AGPAT5: variants seen among roughly 807,000 people sequenced by gnomAD.
AGPAT5 encodes 1-acylglycerol-3-phosphate O-acyltransferase 5, also known as 1-acyl-sn-glycerol-3-phosphate acyltransferase epsilon.
A neutral mutation model predicts 45.6 loss-of-function variants in AGPAT5; 46 were observed. The observed-to-expected ratio is 1.01, with a 90% CI of 0.80 to 1.29. AGPAT5 has a LOEUF of 1.29. AGPAT5 is among the 50% of genes most tolerant of loss of function. The pLI is 0.00. For synonymous variants in AGPAT5, 272 were observed against 167.0 expected, an observed-to-expected ratio of 1.63 and a Z score of -4.85; for missense variants, 673 against 450.7, an observed-to-expected ratio of 1.49 and a Z score of -4.47.
intron 1 of AGPAT5, among the ~76,000 whole-genome samples, chr8:6,717,997 T>G (rs2911981): frequency 0.061 from 9,297 of 152,244 alleles, 363 homozygotes; most frequent in African/African-American, 0.11. Flanking sequence ...GTCATCTGGA[T>G]TAAGTGTCAA....
chr8:6,737,503 A>G lies in AGPAT5; in HGVS notation c.496-4158A>G, dbSNP rs372520714. 2.0e-3 allele frequency among the ~76,000 whole-genome samples: 308 copies of G among 152,332 alleles called. 11 individuals are homozygous for G. The South Asian group carries it at 0.06, about 30-fold the overall frequency. ...TGTGAAGAAATACATCTCCATAATTATTGCTGGGACAATACAGTATTTTCT... is the reference window on the plus strand; with the variant it reads ...TGTGAAGAAATACATCTCCATAATTGTTGCTGGGACAATACAGTATTTTCT... On this transcript the variant is annotated intron_variant, in intron 4 of 7. Coordinates refer to ENST00000285518, the MANE Select transcript of AGPAT5 (RefSeq NM_018361.5).
intron 2 of AGPAT5, among the ~76,000 whole-genome samples, chr8:6,729,654 T>C (rs1290054947): frequency 6.6e-6 from 1 of 152,218 alleles, no homozygotes; most frequent in Non-Finnish European, 1.5e-5. Context: ...GTCCTCTGTT[T>C]CCCATCTTCT....
In AGPAT5 at chr8:6,759,512, A is replaced by G. The variant is rs1587079135; in HGVS notation, c.*2124A>G. ...CTACCTGTAAGTCTTTTCACATATC[A>G]TTTAAACTTTTGTTTGTATTATTAC... On this transcript the variant is annotated 3_prime_UTR_variant, in exon 8 of 8. Coordinates refer to ENST00000285518, the MANE Select transcript of AGPAT5 (RefSeq NM_018361.5). The G allele has an allele frequency of 6.6e-6, 1 of 152,290 alleles. No homozygotes were observed. The highest frequency in any genetic ancestry group is 1.9e-4 in the East Asian group (1 of 5,184). The allele number at this position is 152,290 out of a possible 1,614,324, so 9.4% of individuals were successfully genotyped here.
intron 4 of AGPAT5, among the ~76,000 whole-genome samples, chr8:6,732,962 C>A (rs919230266): frequency 2.0e-5 from 3 of 152,184 alleles, no homozygotes; most frequent in Admixed American, 6.5e-5. Context: ...AGCTAGTTTA[C>A]AAGCTCATCT....
At chr8:6,740,942 G>C (rs188005420) in intron 4 of AGPAT5, among the ~76,000 whole-genome samples, 3 of 152,002 alleles carry the variant, frequency 2.0e-5, no homozygotes, top group Admixed American at 2.0e-4. Context: ...TGTAGTTTTT[G>C]TAACTCAGTT....
rs142695144 is a variant in AGPAT5 at position 6,748,013 on chromosome 8, A to G, written c.745+185A>G. ...TTTCATTAGTCCTGCAAAGTGTGGT[A>G]TTTCTTGGCTGTCGTGTGAGTCCTG... On this transcript the variant is annotated intron_variant, in intron 6 of 7. Coordinates refer to ENST00000285518, the MANE Select transcript of AGPAT5 (RefSeq NM_018361.5). Among the ~76,000 whole-genome samples the G allele has an allele frequency of 6.9e-4, 105 of 152,262 alleles. 1 individual carries two copies. In the East Asian group the frequency reaches 0.01, roughly 15 times the overall value.
In AGPAT5 at chr8:6,758,362, G is replaced by T. The variant is rs1476340912; in HGVS notation, c.*974G>T. 1 of 152,670 alleles carries T rather than the reference G, an allele frequency of 6.6e-6. No homozygotes were observed. Among genetic ancestry groups the T allele is most frequent in the Non-Finnish European group, 1.5e-5 (1 of 68,058 alleles). 9.5% of individuals were successfully genotyped at this position (152,670 alleles called of 1,614,324 possible). A position where few individuals can be genotyped will look rare whatever the true frequency, so the allele number is the denominator to read the frequency against. On this transcript the variant is annotated 3_prime_UTR_variant, in exon 8 of 8. Coordinates refer to ENST00000285518, the MANE Select transcript of AGPAT5 (RefSeq NM_018361.5). ...TTTGATTTCACAGAATATTCATTCA[G>T]AAGTCGCGTTTCTGTAGTGTGGTGG...
intron 1 of AGPAT5, among the ~76,000 whole-genome samples, chr8:6,714,483 C>A (rs898258514): frequency 6.6e-6 from 1 of 152,140 alleles, no homozygotes; most frequent in Non-Finnish European, 1.5e-5. Context: ...TAAATATAAA[C>A]CTCTGTGAAC....
intron 1 of AGPAT5, among the ~76,000 whole-genome samples, chr8:6,720,476 G>T (rs115710306): frequency 3.1e-4 from 47 of 152,112 alleles, no homozygotes; most frequent in Admixed American, 7.2e-4. Context: ...TGGGAACAAG[G>T]CTCCTCCATG....
intron 6 of AGPAT5, among the ~76,000 whole-genome samples, chr8:6,750,162 C>A (rs1297264824): frequency 6.6e-6 from 1 of 152,232 alleles, no homozygotes; most frequent in Non-Finnish European, 1.5e-5. Context: ...TTCTCCTGCC[C>A]CTGCTCTTGC....
chr8:6,712,819 C>A lies in AGPAT5; in HGVS notation c.219+3932C>A, dbSNP rs1800196409. ...ATCGTTATGATAAATAATGACAAAT[C>A]TTTTTAGCATGTTCTGTGAAGCTGA... On this transcript the variant is annotated intron_variant, in intron 1 of 7. Coordinates refer to ENST00000285518, the MANE Select transcript of AGPAT5 (RefSeq NM_018361.5). 2.0e-5 allele frequency among the ~76,000 whole-genome samples: 3 copies of A among 152,178 alleles called. No individual in the cohort carries two copies. In the South Asian group the frequency reaches 6.2e-4, roughly 31 times the overall value.
At chr8:6,750,698 G>T (rs1405266576) in intron 6 of AGPAT5, among the ~76,000 whole-genome samples, 1 of 149,260 alleles carries the variant, frequency 6.7e-6, no homozygotes, top group Non-Finnish European at 1.5e-5. Flanking sequence ...GATAAGGTAA[G>T]TGCAAATGAA....
At chr8:6,733,891 A>T (rs1252366373) in intron 4 of AGPAT5, among the ~76,000 whole-genome samples, 1 of 152,162 alleles carries the variant, frequency 6.6e-6, no homozygotes, top group Non-Finnish European at 1.5e-5. Context: ...TTGGCATCCT[A>T]TGCACAGTGG....
chr8:6,719,368 G>A (rs1800428970), intron 1 of AGPAT5, among the ~76,000 whole-genome samples: 1 of 152,166 alleles, frequency 6.6e-6, no homozygotes, highest in South Asian at 2.1e-4. Flanking sequence ...CATTGACGTG[G>A]AAATTAATAG....
At chr8:6,729,995 T>C (rs1264288509) in intron 2 of AGPAT5, among the ~76,000 whole-genome samples, 1 of 152,208 alleles carries the variant, frequency 6.6e-6, no homozygotes, top group Non-Finnish European at 1.5e-5. Context: ...GAAGATGAAG[T>C]GTCCTTGCCT....
chr8:6,715,577 C>T (rs1170453035), intron 1 of AGPAT5, among the ~76,000 whole-genome samples: 1 of 152,104 alleles, frequency 6.6e-6, no homozygotes, highest in East Asian at 1.9e-4. Context: ...AAGGGAACAC[C>T]CATGGTTCAC....
intron 1 of AGPAT5, among the ~76,000 whole-genome samples, chr8:6,709,772 C>A (rs1399275306): frequency 6.6e-6 from 1 of 151,562 alleles, no homozygotes; most frequent in African/African-American, 2.4e-5. Flanking sequence ...CAGTCAGGTA[C>A]TATATTTAGT....
In AGPAT5 at chr8:6,708,883, T is replaced by C. The variant is rs374945752; in HGVS notation, c.215T>C (p.Val72Ala). The C allele has an allele frequency of 5.0e-6, 8 of 1,601,622 alleles. No individual in the cohort carries two copies. The highest frequency in any genetic ancestry group is 6.8e-6 in the Non-Finnish European group (8 of 1,174,678). ...TTCTTCTTCGAGAATTACACCGGGG[T>C]CCAGGTGAGCCGCCTCCCGCTCCCG... ...VLFFFENYTGVQILLYGDLPK... is the reference protein window; with the variant it reads ...VLFFFENYTGAQILLYGDLPK... Residue 72 changes from valine to alanine, a missense_variant, in exon 1 of 8, where the codon GTC becomes GCC. Physicochemically the swap from Val to Ala is moderately conservative, Grantham distance 64. Transcript: ENST00000285518.
chr8:6,710,382 A>AAAGG (rs1378390844), intron 1 of AGPAT5, among the ~76,000 whole-genome samples: 1 of 152,208 alleles, frequency 6.6e-6, no homozygotes, highest in Non-Finnish European at 1.5e-5. Flanking sequence ...TGTTCAAATC[A>AAAGG]AAGGAAGTGG....
Sources: gnomAD v4.1 joint callset for allele counts (sites outside exome capture counted in the v4.1 genomes callset) on GRCh38, gnomAD v4.1.1 for gene constraint, MANE v1.5 for transcripts, NCBI Gene and HGNC (gene_info 2026-07-23, HGNC 2026-07-21) for gene names.